The following KCNMB2 variants were observed in gnomAD, a reference collection of about 807,000 sequenced individuals.
KCNMB2 encodes the protein calcium-activated potassium channel subunit beta-2.
A neutral mutation model predicts 24.5 loss-of-function variants in KCNMB2; 9 were observed. The ratio of observed to expected loss-of-function variants is 0.37; its 90% CI spans 0.22 to 0.64. The LOEUF (loss-of-function observed/expected upper bound fraction) is 0.64, where lower values mean the gene tolerates loss of function less well. KCNMB2 is among the 30% of genes least tolerant of loss of function. KCNMB2 has a pLI of 0.63. For missense variants in KCNMB2, 226 were observed against 284.3 expected (o/e 0.79, Z 1.47); for synonymous variants, 109 against 104.4 (o/e 1.04, Z -0.27).
At chr3:178,690,247 A>G (rs1032437705) in intron 1 of KCNMB2, among the ~76,000 whole-genome samples, 1 of 152,138 alleles carries the variant, frequency 6.6e-6, no homozygotes, top group Non-Finnish European at 1.5e-5. Flanking sequence ...GATGCTTACT[A>G]TTATGAATGT....
Position 178,758,578 on chromosome 3 carries a change from A to C in KCNMB2, c.-67-48765A>C, listed in dbSNP as rs1577159297. On this transcript the variant is annotated intron_variant, in intron 1 of 4. Transcript: ENST00000452583. Reference sequence around the variant, plus strand: ...CAAGAGGAGATATATATATATATATATATATATCCAAGAGGAGATATATAT... The same window carrying C: ...CAAGAGGAGATATATATATATATATCTATATATCCAAGAGGAGATATATAT... Among the ~76,000 whole-genome samples, 22 of 65,984 alleles carry C rather than the reference A, an allele frequency of 3.3e-4. 4 individuals carry two copies. The highest frequency in any genetic ancestry group is 7.0e-4 in the Non-Finnish European group (22 of 31,582). The allele number at this position is 65,984 out of a possible 152,430, so 43.3% of individuals were successfully genotyped here. A position where few individuals can be genotyped will look rare whatever the true frequency, so the allele number is the denominator to read the frequency against.
intron 1 of KCNMB2, among the ~76,000 whole-genome samples, chr3:178,569,190 T>C (rs1233212298): frequency 6.6e-6 from 1 of 152,154 alleles, no homozygotes; most frequent in Non-Finnish European, 1.5e-5. Flanking sequence ...CAGAACTACA[T>C]AGACTTTGCC....
At chr3:178,637,004 C>T (rs1719550696) in intron 1 of KCNMB2, among the ~76,000 whole-genome samples, 1 of 149,974 alleles carries the variant, frequency 6.7e-6, no homozygotes, top group Non-Finnish European at 1.5e-5. Context: ...CTTCCAACTC[C>T]ATCCATATTC....
rs184941029 is a variant in KCNMB2, at chr3:178,566,446, A to G, written c.-68+29735A>G. Among the ~76,000 whole-genome samples, 66 of 152,282 alleles carry G rather than the reference A, an allele frequency of 4.3e-4. 1 individual carries two copies. The East Asian group carries it at 0.012, about 28-fold the overall frequency. ...CACTTGCACATGTGCACACACACAT[A>G]CACACACACTCCTACTTGGCAATGT... is the stretch of plus-strand genomic sequence containing the variant. On this transcript the variant is annotated intron_variant, in intron 1 of 4. Coordinates refer to ENST00000452583, the MANE Select transcript of KCNMB2 (RefSeq NM_181361.3).
intron 1 of KCNMB2, among the ~76,000 whole-genome samples, chr3:178,574,712 C>T (rs866620921): frequency 3.3e-5 from 5 of 152,166 alleles, no homozygotes; most frequent in African/African-American, 1.2e-4. Flanking sequence ...TAGATTTTAT[C>T]CTTCATTCAC....
At chr3:178,552,398 C>T (rs985789207) in intron 1 of KCNMB2, among the ~76,000 whole-genome samples, 1 of 151,864 alleles carries the variant, frequency 6.6e-6, no homozygotes, top group Non-Finnish European at 1.5e-5. Flanking sequence ...CCAAAATATT[C>T]TATTCTTTTG....
chr3:178,754,177 T>TATATATATATACACAC (rs1435109631), intron 1 of KCNMB2, among the ~76,000 whole-genome samples: 12 of 117,218 alleles, frequency 1.0e-4, no homozygotes, highest in African/African-American at 4.5e-4. Context: ...TATATATATA[T>TATATATATATACACAC]ACACACACAC....
At chr3:178,549,193 C>T in intron 1 of KCNMB2, among the ~76,000 whole-genome samples, 1 of 152,030 alleles carries the variant, frequency 6.6e-6, no homozygotes, top group Non-Finnish European at 1.5e-5. Context: ...AATGCTAACC[C>T]TATTAGCATG....
At chr3:178,728,654 A>T (rs1313029611) in intron 1 of KCNMB2, among the ~76,000 whole-genome samples, 3 of 152,068 alleles carry the variant, frequency 2.0e-5, no homozygotes, top group African/African-American at 7.2e-5. Context: ...ACTCTCTCTC[A>T]TCCACTTTCT....
chr3:178,838,080 C>A (rs991171107), intron 4 of KCNMB2, among the ~76,000 whole-genome samples: 2 of 152,070 alleles, frequency 1.3e-5, no homozygotes, highest in Non-Finnish European at 2.9e-5. Flanking sequence ...TTAAATTCAA[C>A]CAGAAATGGT....
intron 1 of KCNMB2, among the ~76,000 whole-genome samples, chr3:178,800,872 C>G (rs1713748156): frequency 1.3e-5 from 2 of 152,042 alleles, no homozygotes; most frequent in African/African-American, 4.8e-5. Flanking sequence ...GTCATTTATT[C>G]CAACATAGAT....
At chr3:178,758,722 A>C in intron 1 of KCNMB2, among the ~76,000 whole-genome samples, 1 of 77,084 alleles carries the variant, frequency 1.3e-5, no homozygotes, top group African/African-American at 5.2e-5. Context: ...ATATATATAT[A>C]TATATCTCCA....
At chr3:178,703,513 C>CA (rs1405334435) in intron 1 of KCNMB2, among the ~76,000 whole-genome samples, 1 of 133,272 alleles carries the variant, frequency 7.5e-6, no homozygotes, top group Non-Finnish European at 1.6e-5. Flanking sequence ...GCACCCACCC[C>CA]CCCAAAAAAA....
chr3:178,737,073 C>A (rs766894933), intron 1 of KCNMB2, among the ~76,000 whole-genome samples: 1 of 152,122 alleles, frequency 6.6e-6, no homozygotes, highest in African/African-American at 2.4e-5. Context: ...AGTTCAAGAC[C>A]AGCCCGCCCA....
At position 178,842,797 on chromosome 3, in the gene KCNMB2, C is replaced by A; in HGVS notation, c.568C>A (p.Leu190Ile). Residue 190 changes from leucine (L) to isoleucine (I), a missense_variant, in exon 5 of 5, where the codon CTC becomes ATC. Coordinates refer to ENST00000452583, the MANE Select transcript of KCNMB2 (RefSeq NM_181361.3). ...CCAGAAGAGTGTTATCCTAACAAAA[C>A]TCTACAGTTCCAACGTGCTGTTCCA... ...GNQKSVILTK[L>I]YSSNVLFHSL... 6.2e-7 allele frequency: 1 copy of A among 1,614,004 alleles called. No homozygotes were observed. The highest frequency in any genetic ancestry group is 8.5e-7 in the Non-Finnish European group (1 of 1,179,884).
At chr3:178,623,843 CA>C (rs1270361235) in intron 1 of KCNMB2, among the ~76,000 whole-genome samples, 1 of 152,138 alleles carries the variant, frequency 6.6e-6, no homozygotes, top group African/African-American at 2.4e-5. Context: ...TTCATGATGT[CA>C]GGGGTAAGCC....
chr3:178,620,157 G>A (rs1016350989), intron 1 of KCNMB2, among the ~76,000 whole-genome samples: 2 of 152,002 alleles, frequency 1.3e-5, no homozygotes, highest in African/African-American at 2.4e-5. Context: ...ATATTAGGCA[G>A]CCCTCAAAGT....
intron 1 of KCNMB2, among the ~76,000 whole-genome samples, chr3:178,578,869 T>C (rs1449300665): frequency 1.3e-5 from 2 of 152,170 alleles, no homozygotes; most frequent in Non-Finnish European, 2.9e-5. Context: ...AACAGATTCA[T>C]AAAGCAAGTT....
chr3:178,797,616 G>A (rs920688712), intron 1 of KCNMB2, among the ~76,000 whole-genome samples: 3 of 152,132 alleles, frequency 2.0e-5, no homozygotes, highest in Non-Finnish European at 2.9e-5. Context: ...CAGAATGAAG[G>A]ACAAAAACCA....
Sources: allele counts gnomAD v4.1 joint callset (sites outside exome capture counted in the v4.1 genomes callset), GRCh38; gene constraint gnomAD v4.1.1; transcripts MANE v1.5; gene names NCBI Gene and HGNC (gene_info 2026-07-23, HGNC 2026-07-21).